SPOP: variants seen among roughly 807,000 people sequenced by gnomAD.
The protein encoded by SPOP is speckle-type POZ protein.
In SPOP, 11 loss-of-function variants were observed where a neutral mutation model predicts 45.6. The ratio of observed to expected loss-of-function variants is 0.24; its 90% CI spans 0.15 to 0.40. The LOEUF (loss-of-function observed/expected upper bound fraction) is 0.40. Among genes scored for constraint, SPOP ranks in the 10% least tolerant of loss-of-function variants. The pLI is 1.00. For missense variants in SPOP, 152 were observed against 465.6 expected (o/e 0.33, Z 6.20); for synonymous variants, 166 against 166.3 (o/e 1.00, Z 0.01).
intron 1 of SPOP, among the ~76,000 whole-genome samples, chr17:49,643,682 G>T (rs1438802752): frequency 1.3e-5 from 2 of 151,920 alleles, no homozygotes; most frequent in African/African-American, 4.8e-5. Context: ...TGTAATCCCA[G>T]CACTTTGGGA....
At chr17:49,629,927 T>C (rs1440573833) in intron 1 of SPOP, among the ~76,000 whole-genome samples, 1 of 152,148 alleles carries the variant, frequency 6.6e-6, no homozygotes, top group Non-Finnish European at 1.5e-5. Flanking sequence ...GAAACTGTTG[T>C]TTTATATGAC....
intron 8 of SPOP, chr17:49,602,398 G>C (rs554715299): frequency 5.8e-6 from 1 of 171,428 alleles, no homozygotes; most frequent in Admixed American, 5.7e-5. Flanking sequence ...TCAATGGTCT[G>C]CCCTTCTAGG....
At chr17:49,635,416 ACT>A (rs926696645) in intron 1 of SPOP, among the ~76,000 whole-genome samples, 22 of 152,270 alleles carry the variant, frequency 1.4e-4, no homozygotes, top group Middle Eastern at 3.4e-3. Flanking sequence ...ACCCAACATG[ACT>A]CTGACAAAAC....
intron 1 of SPOP, among the ~76,000 whole-genome samples, chr17:49,658,421 T>A (rs1281138581): frequency 6.6e-6 from 1 of 152,200 alleles, no homozygotes; most frequent in African/African-American, 2.4e-5. Context: ...TTTTTAAGGA[T>A]TCATGTGGAG....
chr17:49,616,722 G>T (rs2143238292), intron 5 of SPOP, among the ~76,000 whole-genome samples: 1 of 152,318 alleles, frequency 6.6e-6, no homozygotes, highest in South Asian at 2.1e-4. Flanking sequence ...CTAGGCATAA[G>T]CCCAAGTATG....
chr17:49,633,038 T>C (rs1305222240), intron 1 of SPOP, among the ~76,000 whole-genome samples: 1 of 152,166 alleles, frequency 6.6e-6, no homozygotes, highest in East Asian at 1.9e-4. Flanking sequence ...TTTCTCTAAT[T>C]AAGAGCTGAA....
chr17:49,625,804 G>A (rs928860539), intron 1 of SPOP, among the ~76,000 whole-genome samples: 1 of 152,262 alleles, frequency 6.6e-6, no homozygotes, highest in Admixed American at 6.5e-5. Flanking sequence ...AGCCTTGACA[G>A]CCTATATATC....
chr17:49,646,519 CAAA>C (rs909446024), intron 1 of SPOP: 10 of 109,970 alleles, frequency 9.1e-5, no homozygotes, highest in Admixed American at 1.9e-4. Flanking sequence ...GTGACCGTCT[CAAA>C]AAAAAAAAAA....
At chr17:49,673,546 A>G (rs2073164133) in intron 1 of SPOP, among the ~76,000 whole-genome samples, 1 of 152,142 alleles carries the variant, frequency 6.6e-6, no homozygotes. Context: ...GCATATACAT[A>G]AAGTAAATAT....
intron 5 of SPOP, among the ~76,000 whole-genome samples, chr17:49,612,452 C>T (rs1410804496): frequency 6.6e-6 from 1 of 152,150 alleles, no homozygotes; most frequent in Non-Finnish European, 1.5e-5. Context: ...TACACATGCA[C>T]TTATAGCTTT....
chr17:49,673,375 G>C (rs929137347), intron 1 of SPOP, among the ~76,000 whole-genome samples: 7 of 151,534 alleles, frequency 4.6e-5, no homozygotes, highest in Non-Finnish European at 1.5e-5. Flanking sequence ...GCGTGGTGGC[G>C]GGCGCCTGTA....
chr17:49,674,305 T>C (rs954983616), intron 1 of SPOP, among the ~76,000 whole-genome samples: 12 of 152,350 alleles, frequency 7.9e-5, no homozygotes, highest in African/African-American at 2.6e-4. Flanking sequence ...AAATGTTTGG[T>C]AGAAATCAGC....
chr17:49,604,108 A>T (rs558128966), intron 8 of SPOP, among the ~76,000 whole-genome samples: 3 of 152,368 alleles, frequency 2.0e-5, no homozygotes, highest in Admixed American at 1.3e-4. Flanking sequence ...CATGATGTGT[A>T]TAAGTACAAG....
At chr17:49,663,402 G>A (rs1208515091) in intron 1 of SPOP, among the ~76,000 whole-genome samples, 1 of 152,206 alleles carries the variant, frequency 6.6e-6, no homozygotes, top group African/African-American at 2.4e-5. Context: ...AAAGGTTGGG[G>A]ACCACTGCTA....
rs1211887878 is a variant in SPOP at position 49,611,289 on chromosome 17, T to C, written c.649A>G (p.Ile217Val). Reference sequence around the variant, plus strand: ...ATGAATAAATACCAACCTGCTAAGATAGCCTTGTGAGCCTGGAATTCCTGG... The same window carrying C: ...ATGAATAAATACCAACCTGCTAAGACAGCCTTGTGAGCCTGGAATTCCTGG... Reference protein sequence around the residue: ...AGQEFQAHKAILAARSPVFSA... With the variant: ...AGQEFQAHKAVLAARSPVFSA... Residue 217 changes from isoleucine to valine, a missense_variant, in exon 6 of 10, where the codon ATC (isoleucine) becomes GTC (valine). Transcript: ENST00000504102. 6.2e-7 allele frequency: 1 copy of C among 1,613,940 alleles called. No homozygotes were observed. The highest frequency in any genetic ancestry group is 8.5e-7 in the Non-Finnish European group (1 of 1,179,938).
At chr17:49,611,179 T>C in intron 6 of SPOP, 101 bp downstream of exon 6, 1 of 1,316,962 alleles carries the variant, frequency 7.6e-7, no homozygotes, top group Non-Finnish European at 1.1e-6. Context: ...TGTTTTGTAG[T>C]TGAGTTCAAA....
intron 1 of SPOP, among the ~76,000 whole-genome samples, chr17:49,668,712 C>T (rs2073094619): frequency 6.6e-6 from 1 of 151,014 alleles, no homozygotes; most frequent in African/African-American, 2.4e-5. Context: ...TTAAGATATA[C>T]ATATATACAC....
chr17:49,647,215 G>A (rs967467967), intron 1 of SPOP, among the ~76,000 whole-genome samples: 2 of 150,546 alleles, frequency 1.3e-5, no homozygotes, highest in African/African-American at 4.9e-5. Context: ...GGCTGAGGCT[G>A]GAGAATCGCT....
At chr17:49,651,932 T>C (rs928487145) in intron 1 of SPOP, among the ~76,000 whole-genome samples, 23 of 151,792 alleles carry the variant, frequency 1.5e-4, no homozygotes, top group Admixed American at 4.6e-4. Flanking sequence ...GGCATGAAAA[T>C]TGCCTGAACC....
Sources: allele counts gnomAD v4.1 joint callset (sites outside exome capture counted in the v4.1 genomes callset), GRCh38; gene constraint gnomAD v4.1.1; transcripts MANE v1.5; gene names NCBI Gene and HGNC (gene_info 2026-07-23, HGNC 2026-07-21).